Variants in MUC7 observed in about 807,000 individuals in gnomAD.
MUC7 encodes mucin 7, secreted, also known as mucin-7.
Under a neutral mutation model 2.5 loss-of-function variants are expected in MUC7, and 2 were observed. That is an observed-to-expected ratio of 0.81 (90% CI 0.33 to 2.55). The LOEUF is 2.55. Among genes scored for constraint, MUC7 ranks in the 30% most tolerant of loss-of-function variants. MUC7 has a pLI of 0.11. For missense variants in MUC7, 408 were observed against 455.6 expected, an observed-to-expected ratio of 0.90 and a Z score of 0.95; for synonymous variants, 133 against 173.4, an observed-to-expected ratio of 0.77 and a Z score of 1.83.
chr4:70,443,444 C>A lies in MUC7; in HGVS notation c.-93+12757C>A, dbSNP rs1180881842. 2.6e-5 allele frequency among the ~76,000 whole-genome samples: 4 copies of A among 152,240 alleles called. No homozygotes were observed. The East Asian group carries it at 5.8e-4, about 22-fold the overall frequency. ...AAGATCTCACACTATCAAATATTAT[C>A]CACACAAAGCTGTTAGAATACTACC... On this transcript the variant is annotated intron_variant, in intron 1 of 3. Coordinates refer to the MUC7 transcript ENST00000413702.
chr4:70,447,647 T>C (rs905033965), intron 1 of MUC7, among the ~76,000 whole-genome samples: 12 of 152,166 alleles, frequency 7.9e-5, no homozygotes, highest in Non-Finnish European at 1.5e-4. Flanking sequence ...AATTGTTTAG[T>C]TTTAATTTTT....
chr4:70,467,758 G>A (rs373142873), upstream of MUC7, among the ~76,000 whole-genome samples: 1 of 152,100 alleles, frequency 6.6e-6, no homozygotes, highest in African/African-American at 2.4e-5. Context: ...TGAAACTGAG[G>A]CAGTAATTAA....
chr4:70,438,704 C>T lies in MUC7; in HGVS notation c.-93+8017C>T, dbSNP rs536149398. ...AACTCCTGACCTCAGATAATCCACC[C>T]GCCTCCACCTCCCAAAGTGCTGGGA... On this transcript the variant is annotated intron_variant, in intron 1 of 3. Transcript: ENST00000413702. Among the ~76,000 whole-genome samples the T allele has an allele frequency of 1.6e-4, 25 of 152,144 alleles. No individual in the cohort carries two copies. In the East Asian group the frequency reaches 1.9e-3, roughly 12 times the overall value.
At chr4:70,470,647 T>C (rs932018641), upstream of MUC7, among the ~76,000 whole-genome samples, 1 of 152,158 alleles carries the variant, frequency 6.6e-6, no homozygotes, top group Non-Finnish European at 1.5e-5. Flanking sequence ...CAAGGTGATA[T>C]GAAAATTTTT....
chr4:70,474,133 A>T, intron 2 of MUC7, 58 bp downstream of exon 2: 1 of 1,424,808 alleles, frequency 7.0e-7, no homozygotes, highest in Non-Finnish European at 9.9e-7. Context: ...CATTTAGTGT[A>T]CCTACCTGAG....
In MUC7 at chr4:70,441,497, G is replaced by A. The variant is rs370170772; in HGVS notation, c.-93+10810G>A. Among the ~76,000 whole-genome samples, 77 of 152,200 alleles carry A rather than the reference G, an allele frequency of 5.1e-4. 2 individuals are homozygous for A. In the South Asian group the frequency reaches 0.016, roughly 31 times the overall value. On this transcript the variant is annotated intron_variant, in intron 1 of 3. Transcript: ENST00000413702. ...AATCAATGGGTGAAGAAAGATTGGT[G>A]GCAGCATCTATATATGGAGGGAGAG...
chr4:70,464,214 G>T (rs1214408121), intron 1 of MUC7, among the ~76,000 whole-genome samples: 2 of 152,164 alleles, frequency 1.3e-5, no homozygotes, highest in Admixed American at 6.5e-5. Context: ...GCGCATTCTG[G>T]CCCAGATACT....
chr4:70,453,405 C>T (rs1734329095), intron 1 of MUC7, among the ~76,000 whole-genome samples: 1 of 152,192 alleles, frequency 6.6e-6, no homozygotes. Flanking sequence ...ACCCCACAGC[C>T]ACTGCCACCA....
Position 70,481,799 on chromosome 4 carries a change from G to A in MUC7, c.1055G>A (p.Gly352Asp), listed in dbSNP as rs1443657526. ...ACTAAACAACCAACTTCAGCTCCTGGCCAAAATAAAATTTCTCGATTTCTT... is the reference window on the plus strand; with the variant it reads ...ACTAAACAACCAACTTCAGCTCCTGACCAAAATAAAATTTCTCGATTTCTT... ...TTTKQPTSAP[G>D]QNKISRFLLY... Residue 352 changes from glycine to aspartate, a missense_variant, in exon 3 of 3, where the codon GGC becomes GAC. Physicochemically the swap from Gly to Asp is moderately conservative, Grantham distance 94. Transcript: ENST00000304887. 2 of 1,614,084 alleles carry A rather than the reference G, an allele frequency of 1.2e-6. No homozygotes were observed. Among genetic ancestry groups the A allele is most frequent in the South Asian group, 1.1e-5 (1 of 91,074 alleles).
rs1343313427 is a variant in MUC7 at position 70,480,902 on chromosome 4, C to T, written c.158C>T (p.Ala53Val). 74 of 1,614,196 alleles carry T rather than the reference C, an allele frequency of 4.6e-5. No individual in the cohort carries two copies. The highest frequency in any genetic ancestry group is 6.1e-5 in the Non-Finnish European group (72 of 1,180,036). The change falls in exon 3 of 3, where the codon GCT (alanine) becomes GTT (valine). Residue 53 changes from alanine (A) to valine (V), a missense_variant. By Grantham distance (64) the Ala-to-Val change is moderately conservative (BLOSUM62 0). Transcript: ENST00000304887. Reference protein sequence around the residue: ...FELPHYPGLLAHQKPFIRKSY... With the variant: ...FELPHYPGLLVHQKPFIRKSY... ...TTACCACATTATCCTGGACTGCTAG[C>T]TCACCAGAAGCCGTTCATTAGAAAG...
chr4:70,447,908 C>T (rs971721933), intron 1 of MUC7, among the ~76,000 whole-genome samples: 2 of 152,088 alleles, frequency 1.3e-5, no homozygotes, highest in Admixed American at 1.3e-4. Context: ...GTTTTATACC[C>T]ACTAACCATC....
At chr4:70,479,107 C>A (rs1339901732) in intron 2 of MUC7, among the ~76,000 whole-genome samples, 1 of 152,204 alleles carries the variant, frequency 6.6e-6, no homozygotes, top group Non-Finnish European at 1.5e-5. Flanking sequence ...AGGTTTTAGT[C>A]TGTCCTATGT....
intron 1 of MUC7, among the ~76,000 whole-genome samples, chr4:70,437,309 G>A (rs1412290574): frequency 6.6e-6 from 1 of 152,186 alleles, no homozygotes; most frequent in African/African-American, 2.4e-5. Context: ...TGATCCCAGA[G>A]GTGGAATCTA....
chr4:70,467,429 T>A (rs917995274), upstream of MUC7, among the ~76,000 whole-genome samples: 1 of 151,938 alleles, frequency 6.6e-6, no homozygotes, highest in Admixed American at 6.6e-5. Flanking sequence ...CTGAAGGACA[T>A]AGAGACACAA....
At chr4:70,448,571 T>A (rs1734198692) in intron 1 of MUC7, among the ~76,000 whole-genome samples, 1 of 152,230 alleles carries the variant, frequency 6.6e-6, no homozygotes, top group South Asian at 2.1e-4. Context: ...GTATGTCTTC[T>A]TTGAAGAAAT....
chr4:70,459,620 A>G (rs1734504147), intron 1 of MUC7, among the ~76,000 whole-genome samples: 1 of 152,172 alleles, frequency 6.6e-6, no homozygotes, highest in African/African-American at 2.4e-5. Flanking sequence ...TTTTACAAAT[A>G]TGTATGGAAG....
intron 1 of MUC7, among the ~76,000 whole-genome samples, chr4:70,464,385 C>T (rs2109730224): frequency 6.6e-6 from 1 of 152,188 alleles, no homozygotes; most frequent in East Asian, 1.9e-4. Context: ...ACCTGGAACA[C>T]CAGTGAGACA....
chr4:70,454,393 A>C (rs1387922758), intron 1 of MUC7, among the ~76,000 whole-genome samples: 1 of 152,142 alleles, frequency 6.6e-6, no homozygotes, highest in East Asian at 1.9e-4. Flanking sequence ...GTATCAGCTG[A>C]CTTAAGCCCG....
chr4:70,451,070 GAC>G (rs753243677), intron 1 of MUC7, among the ~76,000 whole-genome samples: 6 of 152,168 alleles, frequency 3.9e-5, no homozygotes, highest in Non-Finnish European at 8.8e-5. Flanking sequence ...TTTACTTGGA[GAC>G]ACAGAGTGCT....
Sources: gnomAD v4.1 joint callset for allele counts (sites outside exome capture counted in the v4.1 genomes callset) on GRCh38, gnomAD v4.1.1 for gene constraint, MANE v1.5 for transcripts, NCBI Gene and HGNC (gene_info 2026-07-23, HGNC 2026-07-21) for gene names.